The following FAM91A1 variants were observed in gnomAD, a reference collection of about 807,000 sequenced individuals.
The protein encoded by FAM91A1 is family with sequence similarity 91 member A1.
A neutral mutation model predicts 113.5 loss-of-function variants in FAM91A1; 41 were observed. The observed-to-expected ratio is 0.36, with a 90% confidence interval of 0.28 to 0.47. FAM91A1 has a LOEUF of 0.47. Among genes scored for constraint, FAM91A1 ranks in the 20% least tolerant of loss-of-function variants. The pLI is 1.00. For synonymous variants in FAM91A1, 307 were observed against 347.9 expected (o/e 0.88, Z 1.31); for missense variants, 696 against 1,001.2 (o/e 0.70, Z 4.11).
intron 8 of FAM91A1, among the ~76,000 whole-genome samples, chr8:123,782,648 G>A (rs919364425): frequency 1.3e-5 from 2 of 152,082 alleles, no homozygotes; most frequent in Non-Finnish European, 2.9e-5. Context: ...AACTTTTGTC[G>A]TATATATTTA....
chr8:123,791,983 T>G (rs1815397008), intron 15 of FAM91A1, among the ~76,000 whole-genome samples: 4 of 152,142 alleles, frequency 2.6e-5, no homozygotes, highest in Admixed American at 2.6e-4. Flanking sequence ...AACACCAGCA[T>G]GGCCAACATG....
rs763683151 is a variant in FAM91A1 at position 123,785,065 on chromosome 8, T to C, written c.811-16T>C. ...ATTCTAAGAATGTAAAAATAAATTT[T>C]AATTTTATCTTCTAGCTTGCAAATG... On this transcript the variant is annotated splice_polypyrimidine_tract_variant and intron_variant, in intron 9 of 23. Coordinates refer to ENST00000334705, the MANE Select transcript of FAM91A1 (RefSeq NM_144963.4). 1 of 1,569,730 alleles carries C rather than the reference T, an allele frequency of 6.4e-7. No individual in the cohort carries two copies.
chr8:123,803,046 G>A (rs1302609261), intron 18 of FAM91A1, among the ~76,000 whole-genome samples: 4 of 152,126 alleles, frequency 2.6e-5, no homozygotes, highest in Non-Finnish European at 4.4e-5. Context: ...AGTGGCTCAC[G>A]CCTGTAATTC....
At chr8:123,771,127 G>T (rs1814827144) in intron 1 of FAM91A1, among the ~76,000 whole-genome samples, 1 of 152,166 alleles carries the variant, frequency 6.6e-6, no homozygotes, top group Non-Finnish European at 1.5e-5. Flanking sequence ...CTCCTGGGAG[G>T]TTTCCCTGAC....
Position 123,808,902 on chromosome 8 carries a change from C to G in FAM91A1, c.2147C>G (p.Thr716Arg). 1 of 1,609,732 alleles carries G rather than the reference C, an allele frequency of 6.2e-7. No homozygotes were observed. Among genetic ancestry groups the G allele is most frequent in the Non-Finnish European group, 8.5e-7 (1 of 1,178,100 alleles). Residue 716 changes from threonine (T) to arginine (R), a missense_variant, in exon 22 of 24, where the codon ACA (threonine) becomes AGA (arginine). Thr to Arg is a moderately conservative substitution (Grantham distance 71). Coordinates refer to ENST00000334705, the MANE Select transcript of FAM91A1 (RefSeq NM_144963.4). ...SATKQTSGAT[T>R]EADWVPLELC... ...ATGTATCCTTTCTTAGGTGCCACAA[C>G]AGAAGCAGATTGGGTTCCTCTCGAG...
chr8:123,812,391 C>A, intron 23 of FAM91A1, 128 bp from the exon 24 acceptor site: 7 of 477,248 alleles, frequency 1.5e-5, no homozygotes, highest in Non-Finnish European at 1.6e-5. Context: ...TAGATCTTTG[C>A]ATCTCCTGTA....
rs1369065887 is a variant in FAM91A1, at chr8:123,813,370, T to G, written c.*666T>G. ...GAAGCTTTAGAAGACTTTCTATTTT[T>G]AAACACCATTTATATGTGGACTTCT... On this transcript the variant is annotated 3_prime_UTR_variant, in exon 24 of 24. Coordinates refer to ENST00000334705, the MANE Select transcript of FAM91A1 (RefSeq NM_144963.4). 6.6e-6 allele frequency: 1 copy of G among 152,660 alleles called. No homozygotes were observed. Among genetic ancestry groups the G allele is most frequent in the Admixed American group, 6.5e-5 (1 of 15,284 alleles). The allele number at this position is 152,660 out of a possible 1,614,324, so 9.5% of individuals were successfully genotyped here.
intron 23 of FAM91A1, chr8:123,810,873 T>A (rs1475435192): frequency 6.1e-6 from 1 of 163,318 alleles, no homozygotes; most frequent in African/African-American, 2.4e-5. Flanking sequence ...ATTCATTCAG[T>A]TGGTAAATGC....
chr8:123,812,767 A>G lies in FAM91A1; in HGVS notation c.*63A>G. On this transcript the variant is annotated 3_prime_UTR_variant, in exon 24 of 24. Coordinates refer to ENST00000334705, the MANE Select transcript of FAM91A1 (RefSeq NM_144963.4). ...TTTTCTTTCTTAACGTTAGCTTTAT[A>G]GTGTCAGCCACTAAAAAGCATCCTG... 7 of 1,340,520 alleles carry G rather than the reference A, an allele frequency of 5.2e-6. No homozygotes were observed. Among genetic ancestry groups the G allele is most frequent in the Non-Finnish European group, 6.9e-6 (7 of 1,011,166 alleles). The allele number at this position is 1,340,520 out of a possible 1,614,324, so 83.0% of individuals were successfully genotyped here. A position where few individuals can be genotyped will look rare whatever the true frequency, so the allele number is the denominator to read the frequency against.
intron 8 of FAM91A1, 62 bp from the exon 9 acceptor site, chr8:123,784,408 A>G (rs559711179): frequency 1.6e-6 from 2 of 1,264,228 alleles, no homozygotes; most frequent in East Asian, 2.5e-5. Flanking sequence ...AGATATGTAA[A>G]TTATACTTTC....
chr8:123,789,136 G>A (rs1314505240), intron 14 of FAM91A1, among the ~76,000 whole-genome samples: 1 of 152,170 alleles, frequency 6.6e-6, no homozygotes, highest in Non-Finnish European at 1.5e-5. Flanking sequence ...GAGGCACTAA[G>A]TAAATCTTTG....
intron 6 of FAM91A1, among the ~76,000 whole-genome samples, chr8:123,779,529 G>A (rs1378400977): frequency 3.3e-5 from 5 of 152,016 alleles, no homozygotes; most frequent in Non-Finnish European, 7.4e-5. Flanking sequence ...TTTTCTCCAG[G>A]GTACGTACTA....
chr8:123,775,193 A>G lies in FAM91A1; in HGVS notation c.204A>G (p.Leu68=). ...KDERRYYEEL[L]KYSRDHLMLY... ...AACGCAGATACTATGAGGAACTGCTAAAGTACAGCCGAGATCATCTCATGC... is the reference window on the plus strand; with the variant it reads ...AACGCAGATACTATGAGGAACTGCTGAAGTACAGCCGAGATCATCTCATGC... The change falls in exon 3 of 24, where the codon CTA becomes CTG. Residue 68 remains leucine (L), a synonymous_variant. Transcript: ENST00000334705. 6.2e-7 allele frequency: 1 copy of G among 1,613,338 alleles called. No individual in the cohort carries two copies. Among genetic ancestry groups the G allele is most frequent in the South Asian group, 1.1e-5 (1 of 91,004 alleles).
chr8:123,799,439 G>A (rs1478476683), intron 16 of FAM91A1, 81 bp from the exon 17 acceptor site: 2 of 1,277,408 alleles, frequency 1.6e-6, no homozygotes, highest in African/African-American at 3.0e-5. Context: ...TATGTGAAGG[G>A]ATTTGCTGTT....
chr8:123,808,169 A>G (rs1047296646), intron 20 of FAM91A1, 103 bp from the exon 21 acceptor site: 1 of 897,240 alleles, frequency 1.1e-6, no homozygotes. Context: ...TCTTTCTGTC[A>G]TCATTACTAT....
In FAM91A1 at chr8:123,814,758, T is replaced by G. The variant is rs1175940530; in HGVS notation, c.*2054T>G. 1.3e-5 allele frequency: 2 copies of G among 152,604 alleles called. No homozygotes were observed. The highest frequency in any genetic ancestry group is 2.9e-5 in the Non-Finnish European group (2 of 68,040). 9.5% of individuals were successfully genotyped at this position (152,604 alleles called of 1,614,324 possible). Reference sequence around the variant, plus strand: ...TTTAGCAAAATGTGAAAAGCTGATGTTTGCGCCTTGCTTTGTGAATTTGGC... The same window carrying G: ...TTTAGCAAAATGTGAAAAGCTGATGGTTGCGCCTTGCTTTGTGAATTTGGC... On this transcript the variant is annotated 3_prime_UTR_variant, in exon 24 of 24. Coordinates refer to ENST00000334705, the MANE Select transcript of FAM91A1 (RefSeq NM_144963.4).
chr8:123,805,365 CTT>C (rs71576705), intron 19 of FAM91A1, 26 bp downstream of exon 19: 10,388 of 1,238,436 alleles, frequency 8.4e-3, no homozygotes, highest in East Asian at 0.016. Context: ...TATCTATTGA[CTT>C]TTTTTTTTTT....
At chr8:123,782,518 T>G (rs1815149461) in intron 8 of FAM91A1, among the ~76,000 whole-genome samples, 2 of 152,334 alleles carry the variant, frequency 1.3e-5, no homozygotes, top group Admixed American at 6.5e-5. Flanking sequence ...TTAAATAAAT[T>G]TATTCCATTA....
intron 15 of FAM91A1, among the ~76,000 whole-genome samples, chr8:123,792,475 A>C (rs1422064422): frequency 6.6e-6 from 1 of 151,990 alleles, no homozygotes; most frequent in Non-Finnish European, 1.5e-5. Context: ...TTTTTCCCCC[A>C]GGTATCTTTG....
Sources: gnomAD v4.1 joint callset for allele counts (sites outside exome capture counted in the v4.1 genomes callset) on GRCh38, gnomAD v4.1.1 for gene constraint, MANE v1.5 for transcripts, NCBI Gene and HGNC (gene_info 2026-07-23, HGNC 2026-07-21) for gene names.